Variants in KATNIP observed in about 807,000 individuals in gnomAD.
KATNIP encodes the protein katanin-interacting protein.
In KATNIP, 126 loss-of-function variants were observed where a neutral mutation model predicts 174.0. That is an observed-to-expected ratio of 0.72 (90% CI 0.63 to 0.84). The LOEUF (loss-of-function observed/expected upper bound fraction) is 0.84. Ranked by LOEUF, KATNIP falls within the 40% of genes least tolerant of loss-of-function variation. The pLI is 0.00. For synonymous variants in KATNIP, 810 were observed against 835.7 expected, an observed-to-expected ratio of 0.97 and a Z score of 0.53; for missense variants, 1,958 against 2,109.7, an observed-to-expected ratio of 0.93 and a Z score of 1.41.
intron 18 of KATNIP, among the ~76,000 whole-genome samples, chr16:27,756,068 G>C (rs949373534): frequency 6.6e-6 from 1 of 152,154 alleles, no homozygotes; most frequent in Non-Finnish European, 1.5e-5. Flanking sequence ...GGTGGGAGGT[G>C]GGGTCTGAGC....
intron 17 of KATNIP, among the ~76,000 whole-genome samples, chr16:27,752,700 GC>G (rs2081564340): frequency 6.6e-6 from 1 of 152,030 alleles, no homozygotes; most frequent in South Asian, 2.1e-4. Context: ...TACAGTGCAT[GC>G]CACCATGCCT....
chr16:27,586,612 TGAGCCCAG>T (rs1665347697), intron 2 of KATNIP, among the ~76,000 whole-genome samples: 1 of 152,132 alleles, frequency 6.6e-6, no homozygotes, highest in Middle Eastern at 3.4e-3. Flanking sequence ...GAGGATCACT[TGAGCCCAG>T]GAGTTCGAGA....
At chr16:27,596,979 C>T (rs1261409784) in intron 2 of KATNIP, among the ~76,000 whole-genome samples, 1 of 152,170 alleles carries the variant, frequency 6.6e-6, no homozygotes, top group Non-Finnish European at 1.5e-5. Flanking sequence ...GCCGAGATCA[C>T]ACCACTGCAC....
intron 6 of KATNIP, among the ~76,000 whole-genome samples, chr16:27,656,134 T>C (rs1017891975): frequency 2.0e-5 from 3 of 151,908 alleles, no homozygotes; most frequent in African/African-American, 7.3e-5. Flanking sequence ...TCTTCAGAAA[T>C]GTCAGTGGCA....
chr16:27,614,230 A>G (rs1467783273), intron 2 of KATNIP, among the ~76,000 whole-genome samples: 1 of 151,248 alleles, frequency 6.6e-6, no homozygotes, highest in African/African-American at 2.4e-5. Context: ...CAGTGGTGCT[A>G]TCTCAGCTCA....
chr16:27,625,909 G>A (rs1349590871), intron 3 of KATNIP, among the ~76,000 whole-genome samples: 2 of 151,438 alleles, frequency 1.3e-5, no homozygotes, highest in Non-Finnish European at 2.9e-5. Context: ...GAGTGCAGTG[G>A]CATGATCATG....
chr16:27,754,199 T>C lies in KATNIP; in HGVS notation c.3579T>C (p.Ser1193=), dbSNP rs768514159. 1.4e-5 allele frequency: 23 copies of C among 1,613,960 alleles called. No individual in the cohort carries two copies. Among genetic ancestry groups the C allele is most frequent in the Non-Finnish European group, 1.9e-5 (22 of 1,179,978 alleles). Residue 1193 remains serine, a synonymous_variant, in exon 18 of 28, where the codon AGT becomes AGC. Coordinates refer to ENST00000261588, the MANE Select transcript of KATNIP (RefSeq NM_015202.5). ...ERIPELELPS[S]SPVPQVTTPE... Reference sequence around the variant, plus strand: ...TCCCGGAGCTAGAGCTCCCATCCAGTTCCCCTGTCCCCCAAGTCACCACGC... The same window carrying C: ...TCCCGGAGCTAGAGCTCCCATCCAGCTCCCCTGTCCCCCAAGTCACCACGC...
intron 27 of KATNIP, 86 bp from the exon 28 acceptor site, chr16:27,778,488 C>A: frequency 7.2e-7 from 1 of 1,382,458 alleles, no homozygotes; most frequent in Non-Finnish European, 1.0e-6. Flanking sequence ...GCAACCCAGG[C>A]TGCTGGATTT....
At chr16:27,552,541 AT>A (rs1179257045) in intron 1 of KATNIP, among the ~76,000 whole-genome samples, 2 of 149,944 alleles carry the variant, frequency 1.3e-5, no homozygotes, top group East Asian at 3.9e-4. Flanking sequence ...TGCCCAGCTA[AT>A]TTTTTTTATT....
intron 12 of KATNIP, among the ~76,000 whole-genome samples, chr16:27,704,289 A>G (rs1406386741): frequency 6.6e-6 from 1 of 152,232 alleles, no homozygotes; most frequent in Non-Finnish European, 1.5e-5. Context: ...CAATCAAGAA[A>G]TGCAAATTAC....
intron 10 of KATNIP, chr16:27,701,368 T>C (rs1686813473): frequency 2.2e-6 from 1 of 457,920 alleles, no homozygotes; most frequent in Non-Finnish European, 4.0e-6. Flanking sequence ...CTCATCGAAG[T>C]GGATTGTTTC....
chr16:27,645,269 C>T (rs1482392211), intron 5 of KATNIP, among the ~76,000 whole-genome samples: 2 of 152,196 alleles, frequency 1.3e-5, no homozygotes, highest in African/African-American at 2.4e-5. Flanking sequence ...GGCTCACCTG[C>T]GTCACTGCGT....
chr16:27,599,741 G>A (rs537277878), intron 2 of KATNIP, among the ~76,000 whole-genome samples: 2 of 152,116 alleles, frequency 1.3e-5, no homozygotes, highest in African/African-American at 4.8e-5. Flanking sequence ...TCCGCTGTCC[G>A]CTCCAGGAGC....
Position 27,550,169 on chromosome 16 carries a change from G to T in KATNIP, c.-2G>T, listed in dbSNP as rs112949559. The T allele has an allele frequency of 3.7e-6, 6 of 1,612,356 alleles. No homozygotes were observed. In the African/African-American group the frequency reaches 4.0e-5, roughly 11 times the overall value. ...GAGCTCCCGGAACCGCCGCCTCTAG[G>T]GATGGACGGTGAGTGTCTGTGGGCC... is the stretch of plus-strand genomic sequence containing the variant. On this transcript the variant is annotated 5_prime_UTR_variant, in exon 1 of 28. Coordinates refer to ENST00000261588, the MANE Select transcript of KATNIP (RefSeq NM_015202.5).
intron 9 of KATNIP, 151 bp downstream of exon 9, chr16:27,698,651 C>A: frequency 1.4e-6 from 1 of 726,898 alleles, no homozygotes; most frequent in Non-Finnish European, 2.1e-6. Context: ...TTCAGACAGT[C>A]ACCCACTGAC....
rs764660899 is a variant in KATNIP, at chr16:27,777,776, G to C, written c.4712+6G>C. 2.2e-5 allele frequency: 36 copies of C among 1,612,696 alleles called. No individual in the cohort carries two copies. Among genetic ancestry groups the C allele is most frequent in the Non-Finnish European group, 3.1e-5 (36 of 1,179,206 alleles). On this transcript the variant is annotated splice_donor_region_variant and intron_variant, in intron 26 of 27. Coordinates refer to ENST00000261588, the MANE Select transcript of KATNIP (RefSeq NM_015202.5). The surrounding 1 kb of genome is among the most constrained non-coding windows in gnomAD (Gnocchi z 4.4). ...GAGAAACACACCACCATCAGGTAGG[G>C]CCCCAGCCGGCCCCATGGCCTCCCC...
At chr16:27,690,592 A>C (rs1046241476) in intron 8 of KATNIP, among the ~76,000 whole-genome samples, 2 of 152,138 alleles carry the variant, frequency 1.3e-5, no homozygotes, top group Non-Finnish European at 2.9e-5. Context: ...AAATGCATGG[A>C]GGCTTTGGAG....
chr16:27,634,374 T>C (rs1326248648), intron 5 of KATNIP, among the ~76,000 whole-genome samples: 1 of 152,166 alleles, frequency 6.6e-6, no homozygotes, highest in Non-Finnish European at 1.5e-5. Context: ...TACGAAGTCC[T>C]TGGGCTAGCA....
intron 13 of KATNIP, among the ~76,000 whole-genome samples, chr16:27,712,389 T>C (rs1402422859): frequency 6.6e-6 from 1 of 152,154 alleles, no homozygotes; most frequent in Non-Finnish European, 1.5e-5. Context: ...AGCCACAGCC[T>C]GGTGCATCGC....
Sources: gnomAD v4.1 joint callset for allele counts (sites outside exome capture counted in the v4.1 genomes callset) on GRCh38, gnomAD v4.1.1 for gene constraint, Gnocchi (gnomAD v3.1) non-coding constraint, MANE v1.5 for transcripts, NCBI Gene and HGNC (gene_info 2026-07-23, HGNC 2026-07-21) for gene names.